The following CYTL1 variants were observed in gnomAD, a reference collection of about 807,000 sequenced individuals.
CYTL1 encodes cytokine like 1.
A neutral mutation model predicts 13.1 loss-of-function variants in CYTL1; 17 were observed. The observed-to-expected ratio is 1.29, with a 90% CI of 0.89 to 1.94. The LOEUF is 1.94. Ranked by LOEUF, CYTL1 falls within the 30% of genes most tolerant of loss-of-function variation. CYTL1 has a pLI of 0.00. For missense variants in CYTL1, 213 were observed against 174.8 expected, an observed-to-expected ratio of 1.22 and a Z score of -1.23; for synonymous variants, 91 against 79.4, an observed-to-expected ratio of 1.15 and a Z score of -0.78.
At chr4:5,018,039 C>T (rs529641199) in intron 1 of CYTL1, among the ~76,000 whole-genome samples, 8 of 152,230 alleles carry the variant, frequency 5.3e-5, no homozygotes, top group African/African-American at 1.9e-4. Flanking sequence ...AAATCAGATT[C>T]CTTTAAAAGA....
rs1429051528 is a variant in CYTL1 at position 5,017,173 on chromosome 4, A to T, written c.160T>A (p.Cys54Ser). 1.2e-6 allele frequency: 2 copies of T among 1,613,950 alleles called. No homozygotes were observed. The highest frequency in any genetic ancestry group is 1.7e-6 in the Non-Finnish European group (2 of 1,179,890). Residue 54 changes from cysteine (C) to serine (S), a missense_variant, in exon 2 of 4, where the codon TGT becomes AGT. Coordinates refer to ENST00000307746, the MANE Select transcript of CYTL1 (RefSeq NM_018659.3). Reference sequence around the variant, plus strand: ...TACAGCCTGGGCAGGTATCTCACACATGGCTCCTGTGGAAAGGGATAAGGG... The same window carrying T: ...TACAGCCTGGGCAGGTATCTCACACTTGGCTCCTGTGGAAAGGGATAAGGG... Reference protein sequence around the residue: ...LLQVSEPSEPCVRYLPRLYLD... With the variant: ...LLQVSEPSEPSVRYLPRLYLD...
At chr4:5,016,294 A>T (rs933562300) in intron 3 of CYTL1, among the ~76,000 whole-genome samples, 2 of 152,248 alleles carry the variant, frequency 1.3e-5, no homozygotes, top group East Asian at 1.9e-4. Flanking sequence ...ATCTTTTTTT[A>T]AAAAATAACT....
intron 3 of CYTL1, among the ~76,000 whole-genome samples, 186 bp from the exon 4 acceptor site, chr4:5,015,420 T>TC (rs1289304730): frequency 2.9e-5 from 1 of 34,680 alleles, no homozygotes; most frequent in Non-Finnish European, 1.3e-4. Context: ...TAAAATTTCA[T>TC]TTCCATAATT....
Position 5,014,913 on chromosome 4 carries a change from A to G in CYTL1, c.*238T>C. The stretch of plus-strand genomic sequence containing the variant: ...TAGTGACCAAATCAACATGCTGTGT[A>G]TCTAACCATCCTGGCAAGACATGAG... On this transcript the variant is annotated 3_prime_UTR_variant, in exon 4 of 4. Coordinates refer to ENST00000307746, the MANE Select transcript of CYTL1 (RefSeq NM_018659.3). 1.9e-6 allele frequency: 1 copy of G among 515,094 alleles called. No homozygotes were observed. The highest frequency in any genetic ancestry group is 3.5e-5 in the East Asian group (1 of 28,964). 31.9% of individuals were successfully genotyped at this position (515,094 alleles called of 1,614,324 possible).
chr4:5,015,326 A>AT, intron 3 of CYTL1, 92 bp from the exon 4 acceptor site: 2 of 956,452 alleles, frequency 2.1e-6, no homozygotes, highest in Non-Finnish European at 3.3e-6. Flanking sequence ...CTCAAAGGCC[A>AT]TTCAGTTGTT....
rs1314792550 is a variant in CYTL1 at position 5,017,174 on chromosome 4, T to C, written c.159A>G (p.Pro53=). 6.2e-7 allele frequency: 1 copy of C among 1,613,924 alleles called. No homozygotes were observed. The highest frequency in any genetic ancestry group is 8.5e-7 in the Non-Finnish European group (1 of 1,179,868). The change falls in exon 2 of 4, where the codon CCA becomes CCG. Residue 53 remains proline, a synonymous_variant. Coordinates refer to ENST00000307746, the MANE Select transcript of CYTL1 (RefSeq NM_018659.3). ...NLLQVSEPSE[P]CVRYLPRLYL... ...ACAGCCTGGGCAGGTATCTCACACATGGCTCCTGTGGAAAGGGATAAGGGG... is the reference window on the plus strand; with the variant it reads ...ACAGCCTGGGCAGGTATCTCACACACGGCTCCTGTGGAAAGGGATAAGGGG...
In CYTL1 at chr4:5,018,555, C is replaced by T. The variant is rs369328895; in HGVS notation, c.153+738G>A. On this transcript the variant is annotated intron_variant, in intron 1 of 3. Transcript: ENST00000307746. ...CAAAAGCTTTTAATGAAGTTTAATGCATTTTGTTTCGACGGAGAAGCAGGC... is the reference window on the plus strand; with the variant it reads ...CAAAAGCTTTTAATGAAGTTTAATGTATTTTGTTTCGACGGAGAAGCAGGC... Among the ~76,000 whole-genome samples, 141 of 152,350 alleles carry T rather than the reference C, an allele frequency of 9.3e-4. 3 individuals are homozygous for T. In the South Asian group the frequency reaches 0.029, roughly 31 times the overall value.
rs780423054 is a variant in CYTL1, at chr4:5,017,161, G to T, written c.172C>A (p.Leu58Met). The change falls in exon 2 of 4, where the codon CTG becomes ATG. Residue 58 changes from leucine to methionine, a missense_variant. Transcript: ENST00000307746. ...TGTATGTCCAGGTACAGCCTGGGCA[G>T]GTATCTCACACATGGCTCCTGTGGA... ...SEPSEPCVRYLPRLYLDIHNY... is the reference protein window; with the variant it reads ...SEPSEPCVRYMPRLYLDIHNY... The T allele has an allele frequency of 6.2e-7, 1 of 1,614,014 alleles. No individual in the cohort carries two copies. Among genetic ancestry groups the T allele is most frequent in the African/African-American group, 1.3e-5 (1 of 75,044 alleles).
intron 1 of CYTL1, 77 bp from the exon 2 acceptor site, chr4:5,017,256 C>A: frequency 6.9e-7 from 1 of 1,450,898 alleles, no homozygotes; most frequent in South Asian, 1.2e-5. Flanking sequence ...GTGGCCCTCT[C>A]AACAGCCAGA....
chr4:5,019,263 A>T (rs529355657), intron 1 of CYTL1, 30 bp downstream of exon 1: 2 of 1,408,942 alleles, frequency 1.4e-6, no homozygotes, highest in African/African-American at 3.0e-5. Context: ...TCTGCCATGC[A>T]CCCCTGTCCT....
At chr4:5,015,255 G>A (rs761905601) in intron 3 of CYTL1, 21 bp from the exon 4 acceptor site, 1 of 1,600,174 alleles carries the variant, frequency 6.2e-7, no homozygotes, top group Non-Finnish European at 8.6e-7. Context: ...TGTGCAATGA[G>A]CAGGAAAGTT....
At position 5,016,966 on chromosome 4, in the gene CYTL1, T is replaced by C. The variant is rs766038026; in HGVS notation, c.199-2A>G. 1.2e-5 allele frequency: 19 copies of C among 1,614,022 alleles called. No individual in the cohort carries two copies. The highest frequency in any genetic ancestry group is 1.4e-5 in the Non-Finnish European group (17 of 1,180,042). On this transcript the variant is annotated splice_acceptor_variant, in intron 2 of 3. Coordinates refer to ENST00000307746, the MANE Select transcript of CYTL1 (RefSeq NM_018659.3). LOFTEE classifies it high-confidence loss of function. The stretch of plus-strand genomic sequence containing the variant: ...CAGCTTGTCCAGCACACAGTAATTC[T>C]GGGAGTGGGCAATGGGGAGGGGGCT...
Position 5,019,285 on chromosome 4 carries a change from G to GGACT in CYTL1, c.153+4_153+7dup, listed in dbSNP as rs750483016. 6.8e-7 allele frequency: 1 copy of GGACT among 1,478,520 alleles called. No homozygotes were observed. The highest frequency in any genetic ancestry group is 2.7e-5 in the East Asian group (1 of 36,598). 91.6% of individuals were successfully genotyped at this position (1,478,520 alleles called of 1,614,324 possible). On this transcript the variant is annotated splice_region_variant and intron_variant, in intron 1 of 3. Coordinates refer to ENST00000307746, the MANE Select transcript of CYTL1 (RefSeq NM_018659.3). ...TGCACCCCTGTCCTGAGCGGGCGGG[G>GGACT]GACTCACCGAGGGCTCCGAGACCTG...
At position 5,017,139 on chromosome 4, in the gene CYTL1, A is replaced by T; in HGVS notation, c.194T>A (p.Ile65Lys). ...VRYLPRLYLDIHNYCVLDKLR... is the reference protein window; with the variant it reads ...VRYLPRLYLDKHNYCVLDKLR... ...CCCCAGGGAGAACCCTCTTACGTGT[A>T]TGTCCAGGTACAGCCTGGGCAGGTA... The change falls in exon 2 of 4, where the codon ATA becomes AAA. Residue 65 changes from isoleucine to lysine, a missense_variant. Physicochemically the swap from Ile to Lys is moderately radical, Grantham distance 102. Coordinates refer to ENST00000307746, the MANE Select transcript of CYTL1 (RefSeq NM_018659.3). The T allele has an allele frequency of 6.2e-7, 1 of 1,613,986 alleles. No homozygotes were observed. The highest frequency in any genetic ancestry group is 1.1e-5 in the South Asian group (1 of 91,048).
chr4:5,018,614 C>T (rs138106186), intron 1 of CYTL1, among the ~76,000 whole-genome samples: 92 of 152,330 alleles, frequency 6.0e-4, no homozygotes, highest in Middle Eastern at 3.4e-3. Flanking sequence ...AAAGCCCTCC[C>T]GGGTCTTCCC....
intron 1 of CYTL1, 128 bp downstream of exon 1, chr4:5,019,165 A>C (rs1341356602): frequency 1.2e-6 from 1 of 845,200 alleles, no homozygotes; most frequent in African/African-American, 1.8e-5. Flanking sequence ...AATACTCCTG[A>C]GATTTACATT....
chr4:5,015,687 T>TG (rs1239230504), intron 3 of CYTL1, among the ~76,000 whole-genome samples: 1 of 152,128 alleles, frequency 6.6e-6, no homozygotes, highest in East Asian at 1.9e-4. Flanking sequence ...AAACTGGGTG[T>TG]GGGGGAAAAT....
In CYTL1 at chr4:5,016,920, G is replaced by C. The variant is rs1741086820; in HGVS notation, c.243C>G (p.Pro81=). 1.9e-6 allele frequency: 3 copies of C among 1,614,144 alleles called. No individual in the cohort carries two copies. Among genetic ancestry groups the C allele is most frequent in the Non-Finnish European group, 2.5e-6 (3 of 1,180,026 alleles). The change falls in exon 3 of 4, where the codon CCC becomes CCG. Residue 81 remains proline, a synonymous_variant. Transcript: ENST00000307746. ...LDKLRDFVAS[P]PCWKVAQVDS... Reference sequence around the variant, plus strand: ...CTACCTGGGCCACTTTCCAACACGGGGGCGAGGCCACAAAGTCCCGCAGCT... The same window carrying C: ...CTACCTGGGCCACTTTCCAACACGGCGGCGAGGCCACAAAGTCCCGCAGCT...
In CYTL1 at chr4:5,016,962, A is replaced by G; in HGVS notation, c.201T>C (p.Asn67=). The change falls in exon 3 of 4, where the codon AAT becomes AAC. Residue 67 remains asparagine, a splice_region_variant and synonymous_variant. Coordinates refer to ENST00000307746, the MANE Select transcript of CYTL1 (RefSeq NM_018659.3). ...YLPRLYLDIH[N]YCVLDKLRDF... ...CCCGCAGCTTGTCCAGCACACAGTA[A>G]TTCTGGGAGTGGGCAATGGGGAGGG... The G allele has an allele frequency of 1.9e-6, 3 of 1,614,174 alleles. No individual in the cohort carries two copies. The highest frequency in any genetic ancestry group is 1.7e-6 in the Non-Finnish European group (2 of 1,180,032).
Sources: gnomAD v4.1 joint callset for allele counts (sites outside exome capture counted in the v4.1 genomes callset) on GRCh38, gnomAD v4.1.1 for gene constraint, MANE v1.5 for transcripts, NCBI Gene and HGNC (gene_info 2026-07-23, HGNC 2026-07-21) for gene names.